SAMSN1: variants seen among roughly 807,000 people sequenced by gnomAD.
SAMSN1 encodes SAM domain-containing protein SAMSN-1.
Under a neutral mutation model 42.0 loss-of-function variants are expected in SAMSN1, and 31 were observed. That is an observed-to-expected ratio of 0.74 (90% confidence interval 0.55 to 1.00). SAMSN1 has a LOEUF of 1.00. SAMSN1 is among the 50% of genes least tolerant of loss of function. The pLI is 0.00. For missense variants in SAMSN1, 464 were observed against 439.4 expected, an observed-to-expected ratio of 1.06 and a Z score of -0.50; for synonymous variants, 178 against 151.9, an observed-to-expected ratio of 1.17 and a Z score of -1.26.
rs1982135246 is a variant in SAMSN1 at position 14,592,985 on chromosome 21, G to A, written c.465+1028C>T. Reference sequence around the variant, plus strand: ...AAAAACTCAGATAGCATGAGAAATAGCAAGGGCAGATCTCAATAATTTTCT... The same window carrying A: ...AAAAACTCAGATAGCATGAGAAATAACAAGGGCAGATCTCAATAATTTTCT... On this transcript the variant is annotated intron_variant, in intron 7 of 15. Transcript: ENST00000647101. 2.0e-5 allele frequency among the ~76,000 whole-genome samples: 3 copies of A among 151,862 alleles called. No individual in the cohort carries two copies. In the South Asian group the frequency reaches 6.2e-4, roughly 31 times the overall value.
In SAMSN1 at chr21:14,615,981, CT is replaced by C. The variant is rs1432545945; in HGVS notation, c.191del (p.Lys64ArgfsTer20). 10 of 577,532 alleles carry C rather than the reference CT, an allele frequency of 1.7e-5. No homozygotes were observed. The highest frequency in any genetic ancestry group is 7.9e-5 in the Admixed American group (3 of 37,858). The allele number at this position is 577,532 out of a possible 1,614,324, so 35.8% of individuals were successfully genotyped here. Reference sequence around the variant, plus strand: ...ACCAAGTAAATTTGACTTACTTTCTCTTTTTTGGTTTTGCATTCTCTAAATT... The same window carrying C: ...ACCAAGTAAATTTGACTTACTTTCTCTTTTTGGTTTTGCATTCTCTAAATT... On this transcript the variant is annotated frameshift_variant, in exon 3 of 16. Transcript: ENST00000647101. LOFTEE classifies it high-confidence loss of function.
intron 2 of SAMSN1, among the ~76,000 whole-genome samples, chr21:14,560,767 T>C (rs1980919832): frequency 6.6e-6 from 1 of 152,210 alleles, no homozygotes; most frequent in South Asian, 2.1e-4. Flanking sequence ...CAATGGTTCT[T>C]CAGTGGTTCC....
chr21:14,626,947 A>G (rs1196578870), intron 2 of SAMSN1, among the ~76,000 whole-genome samples: 2 of 152,254 alleles, frequency 1.3e-5, no homozygotes, highest in Non-Finnish European at 2.9e-5. Context: ...CTATGCAGCC[A>G]TAAAAAATGA....
At chr21:14,648,723 C>G (rs1023128542) in intron 1 of SAMSN1, among the ~76,000 whole-genome samples, 75 of 151,440 alleles carry the variant, frequency 5.0e-4, no homozygotes, top group African/African-American at 1.7e-3. Context: ...CAATGAGATA[C>G]CATCTCACAC....
At chr21:14,628,323 C>T (rs1045270240) in intron 2 of SAMSN1, among the ~76,000 whole-genome samples, 5 of 151,912 alleles carry the variant, frequency 3.3e-5, no homozygotes, top group African/African-American at 1.2e-4. Context: ...AGATGATGGA[C>T]GTGCTACTTA....
Position 14,521,693 on chromosome 21 carries a change from A to C in SAMSN1, c.58-472T>G, listed in dbSNP as rs537368006. Reference sequence around the variant, plus strand: ...CGCCTCACAAAGATCAAGTTTGTTCACACGCTGGGGCCTGTGGGGTGGAGG... The same window carrying C: ...CGCCTCACAAAGATCAAGTTTGTTCCCACGCTGGGGCCTGTGGGGTGGAGG... On this transcript the variant is annotated intron_variant, in intron 1 of 7. Coordinates refer to ENST00000400566, the MANE Select transcript of SAMSN1 (RefSeq NM_022136.5). Among the ~76,000 whole-genome samples, 102 of 152,166 alleles carry C rather than the reference A, an allele frequency of 6.7e-4. 1 individual carries two copies. Among genetic ancestry groups the C allele is most frequent in the African/African-American group, 2.4e-3 (98 of 41,504 alleles).
chr21:14,625,496 A>C lies in SAMSN1; in HGVS notation c.157-9480T>G, dbSNP rs938676706. Among the ~76,000 whole-genome samples the C allele has an allele frequency of 3.9e-5, 6 of 152,206 alleles. No homozygotes were observed. In the South Asian group the frequency reaches 8.3e-4, roughly 21 times the overall value. Reference sequence around the variant, plus strand: ...TTATACACTAATAACAGACAAACAGAGAGCCAAATCATGAGTGAACTCCCA... The same window carrying C: ...TTATACACTAATAACAGACAAACAGCGAGCCAAATCATGAGTGAACTCCCA... On this transcript the variant is annotated intron_variant, in intron 2 of 15. Transcript: ENST00000647101.
At chr21:14,534,293 C>T (rs1979454034) in intron 1 of SAMSN1, among the ~76,000 whole-genome samples, 1 of 152,094 alleles carries the variant, frequency 6.6e-6, no homozygotes, top group Admixed American at 6.5e-5. Context: ...AAAAAGCACA[C>T]GGAATCTGAA....
At chr21:14,571,128 G>A (rs546400850) in intron 2 of SAMSN1, among the ~76,000 whole-genome samples, 1 of 152,214 alleles carries the variant, frequency 6.6e-6, no homozygotes, top group African/African-American at 2.4e-5. Context: ...AACAATCATA[G>A]CTCTTATCAA....
intron 2 of SAMSN1, among the ~76,000 whole-genome samples, chr21:14,636,625 G>A (rs541919143): frequency 5.3e-5 from 8 of 152,094 alleles, no homozygotes; most frequent in Non-Finnish European, 1.2e-4. Context: ...GGCGGATCAC[G>A]AGGTAACAAG....
At chr21:14,545,510 G>T (rs948296308) in intron 1 of SAMSN1, among the ~76,000 whole-genome samples, 1 of 150,152 alleles carries the variant, frequency 6.7e-6, no homozygotes, top group Non-Finnish European at 1.5e-5. Context: ...TTCTACAATA[G>T]AATTTGAACT....
chr21:14,492,412 C>G (rs1986731617), intron 7 of SAMSN1, among the ~76,000 whole-genome samples: 1 of 152,150 alleles, frequency 6.6e-6, no homozygotes, highest in Non-Finnish European at 1.5e-5. Context: ...ATTTGGGGAT[C>G]TTTTGACCTC....
chr21:14,625,506 C>A (rs1410645520), intron 2 of SAMSN1, among the ~76,000 whole-genome samples: 2 of 152,172 alleles, frequency 1.3e-5, no homozygotes, highest in Non-Finnish European at 2.9e-5. Context: ...AGAGCCAAAT[C>A]ATGAGTGAAC....
At chr21:14,562,306 T>C (rs1318798913) in intron 2 of SAMSN1, among the ~76,000 whole-genome samples, 1 of 152,192 alleles carries the variant, frequency 6.6e-6, no homozygotes, top group Non-Finnish European at 1.5e-5. Flanking sequence ...TCACTAAACT[T>C]CCTCGGTGTT....
intron 5 of SAMSN1, among the ~76,000 whole-genome samples, chr21:14,602,726 C>T (rs1429278822): frequency 6.6e-6 from 1 of 152,152 alleles, no homozygotes; most frequent in Non-Finnish European, 1.5e-5. Context: ...TAATCCAAGC[C>T]TCTTATTTTA....
intron 1 of SAMSN1, among the ~76,000 whole-genome samples, chr21:14,530,184 G>A (rs1979156389): frequency 2.0e-5 from 3 of 151,958 alleles, no homozygotes; most frequent in Non-Finnish European, 2.9e-5. Flanking sequence ...GGGCGTGGTG[G>A]CGGGTGCCTG....
chr21:14,641,292 G>T (rs1983592276), intron 2 of SAMSN1, among the ~76,000 whole-genome samples: 3 of 152,038 alleles, frequency 2.0e-5, no homozygotes, highest in African/African-American at 7.2e-5. Context: ...ATGTTACTGA[G>T]ACTTATTATT....
intron 2 of SAMSN1, among the ~76,000 whole-genome samples, chr21:14,551,825 T>C (rs1253466187): frequency 6.6e-6 from 1 of 151,950 alleles, no homozygotes; most frequent in Non-Finnish European, 1.5e-5. Flanking sequence ...CCTGGTGGGG[T>C]TTGGTAACGT....
chr21:14,502,949 C>T (rs1476332507), intron 5 of SAMSN1, among the ~76,000 whole-genome samples: 1 of 152,164 alleles, frequency 6.6e-6, no homozygotes, highest in East Asian at 1.9e-4. Context: ...AAAATTCATA[C>T]TTTATGCCCT....
Sources: allele counts gnomAD v4.1 joint callset (sites outside exome capture counted in the v4.1 genomes callset), GRCh38; gene constraint gnomAD v4.1.1; transcripts MANE v1.5; gene names NCBI Gene and HGNC (gene_info 2026-07-23, HGNC 2026-07-21).